Variants in PTPN3 observed in about 807,000 individuals in gnomAD.
The protein encoded by PTPN3 is protein tyrosine phosphatase non-receptor type 3, also known as tyrosine-protein phosphatase non-receptor type 3.
In PTPN3, 96 loss-of-function variants were observed where a neutral mutation model predicts 132.7. That is an observed-to-expected ratio of 0.72 (90% CI 0.61 to 0.86). The LOEUF is 0.86. Ranked by LOEUF, PTPN3 falls within the 40% of genes least tolerant of loss-of-function variation. PTPN3 has a pLI of 0.00. For synonymous variants in PTPN3, 398 were observed against 429.0 expected, an observed-to-expected ratio of 0.93 and a Z score of 0.89; for missense variants, 1,125 against 1,159.6, an observed-to-expected ratio of 0.97 and a Z score of 0.43.
chr9:109,390,462 C>T (rs933755035), intron 21 of PTPN3, among the ~76,000 whole-genome samples: 5 of 152,030 alleles, frequency 3.3e-5, no homozygotes, highest in Admixed American at 2.0e-4. Context: ...AAAGTCTGAC[C>T]CCAGGTTCAG....
intron 12 of PTPN3, among the ~76,000 whole-genome samples, chr9:109,424,809 G>A (rs1182653025): frequency 2.0e-5 from 3 of 152,196 alleles, no homozygotes; most frequent in Non-Finnish European, 2.9e-5. Flanking sequence ...TAACAGAATG[G>A]GTGTTGCTTT....
intron 25 of PTPN3, among the ~76,000 whole-genome samples, chr9:109,380,454 C>A (rs1043024578): frequency 7.9e-5 from 12 of 152,190 alleles, no homozygotes; most frequent in Admixed American, 7.2e-4. Context: ...CGGGGTTTCA[C>A]TATGTTAGCC....
the PTPN3 span, among the ~76,000 whole-genome samples, chr9:109,514,574 A>G: frequency 1.3e-5 from 2 of 152,222 alleles, no homozygotes; most frequent in African/African-American, 4.8e-5. Flanking sequence ...GAGGAGAAGC[A>G]AAATAGCGTC....
intron 1 of PTPN3, among the ~76,000 whole-genome samples, chr9:109,480,047 GCTTTA>G (rs1846886749): frequency 1.3e-5 from 2 of 152,136 alleles, no homozygotes; most frequent in South Asian, 2.1e-4. Flanking sequence ...TCTCATTGTG[GCTTTA>G]CTTTACATTT....
chr9:109,443,860 G>A (rs1056716232), intron 7 of PTPN3, among the ~76,000 whole-genome samples: 10 of 152,270 alleles, frequency 6.6e-5, no homozygotes, highest in Admixed American at 6.5e-5. Flanking sequence ...TCTGGTACTC[G>A]TCTTACTCGT....
At chr9:109,483,463 G>C (rs566836944) in intron 1 of PTPN3, among the ~76,000 whole-genome samples, 2 of 152,088 alleles carry the variant, frequency 1.3e-5, no homozygotes, top group South Asian at 2.1e-4. Flanking sequence ...CTAGCTCTCC[G>C]GGAACTCACA....
At chr9:109,391,871 G>GC in intron 19 of PTPN3, among the ~76,000 whole-genome samples, 1 of 16,458 alleles carries the variant, frequency 6.1e-5, no homozygotes, top group Admixed American at 7.1e-4. Flanking sequence ...AACTAGATGT[G>GC]GGGGGGGGGG....
At chr9:109,460,085 C>T (rs548309419) in intron 2 of PTPN3, among the ~76,000 whole-genome samples, 3 of 152,106 alleles carry the variant, frequency 2.0e-5, no homozygotes, top group African/African-American at 4.8e-5. Context: ...GCCTCTCCCC[C>T]ACAATATGCC....
At chr9:109,421,538 G>C (rs1842893450) in intron 13 of PTPN3, among the ~76,000 whole-genome samples, 1 of 152,124 alleles carries the variant, frequency 6.6e-6, no homozygotes, top group African/African-American at 2.4e-5. Context: ...CGGGCCACGA[G>C]TGTGGCAACA....
At position 109,422,790 on chromosome 9, in the gene PTPN3, C is replaced by T. The variant is rs774062306; in HGVS notation, c.1064G>A (p.Arg355Gln). 94 of 1,611,772 alleles carry T rather than the reference C, an allele frequency of 5.8e-5. 1 individual carries two copies. The highest frequency in any genetic ancestry group is 7.2e-5 in the Non-Finnish European group (85 of 1,178,034). ...TAAGTGCTCCACTGATAAGGATCTC[C>T]GCATGGCTGGGTTCCACACCATCCC... Reference protein sequence around the residue: ...IGGMVWNPAMRRSLSVEHLET... With the variant: ...IGGMVWNPAMQRSLSVEHLET... Residue 355 changes from arginine to glutamine, a missense_variant, in exon 13 of 26, where the codon CGG (arginine) becomes CAG (glutamine). Coordinates refer to ENST00000374541, the MANE Select transcript of PTPN3 (RefSeq NM_002829.4).
intron 19 of PTPN3, among the ~76,000 whole-genome samples, chr9:109,401,144 G>T (rs1841056310): frequency 6.6e-6 from 1 of 152,222 alleles, no homozygotes; most frequent in South Asian, 2.1e-4. Context: ...AAGGAAACGT[G>T]TACATGCTAA....
At chr9:109,483,393 T>C (rs1012909916) in intron 1 of PTPN3, among the ~76,000 whole-genome samples, 2 of 152,108 alleles carry the variant, frequency 1.3e-5, no homozygotes, top group African/African-American at 4.8e-5. Context: ...TCCACCCCTC[T>C]CACTAACACC....
chr9:109,437,409 G>T (rs1844133659), intron 8 of PTPN3, among the ~76,000 whole-genome samples: 1 of 152,200 alleles, frequency 6.6e-6, no homozygotes, highest in Non-Finnish European at 1.5e-5. Flanking sequence ...CTGGGAGAGA[G>T]GTTTGGCAAT....
intron 1 of PTPN3, among the ~76,000 whole-genome samples, chr9:109,483,124 C>T (rs1213021865): frequency 6.6e-6 from 1 of 152,244 alleles, no homozygotes; most frequent in Non-Finnish European, 1.5e-5. Context: ...ATGATAGCTT[C>T]TTGGCTGAAA....
At chr9:109,491,896 C>G (rs1564488791) in intron 1 of PTPN3, among the ~76,000 whole-genome samples, 1 of 152,170 alleles carries the variant, frequency 6.6e-6, no homozygotes, top group Non-Finnish European at 1.5e-5. Flanking sequence ...GCTTTGTCTT[C>G]ATTTTGAGAA....
Position 109,480,016 on chromosome 9 carries a change from T to C in PTPN3, c.-17-16565A>G, listed in dbSNP as rs558062773. Among the ~76,000 whole-genome samples the C allele has an allele frequency of 3.2e-4, 48 of 152,318 alleles. 2 individuals carry two copies. The South Asian group carries it at 8.3e-3, about 26-fold the overall frequency. On this transcript the variant is annotated intron_variant, in intron 1 of 25. Coordinates refer to ENST00000374541, the MANE Select transcript of PTPN3 (RefSeq NM_002829.4). The stretch of plus-strand genomic sequence containing the variant: ...GTTTCCTGTTTTTGATCATAACCAT[T>C]CTAGTAGGTGTGCAGTGGTGTCTCA...
At chr9:109,420,388 C>T in intron 14 of PTPN3, 36 bp downstream of exon 14, 1 of 1,553,098 alleles carries the variant, frequency 6.4e-7, no homozygotes, top group Non-Finnish European at 8.7e-7. Flanking sequence ...AGCCAAAAAG[C>T]AAATACCCAG....
chr9:109,486,018 G>A (rs1219693123), intron 1 of PTPN3, among the ~76,000 whole-genome samples: 3 of 152,184 alleles, frequency 2.0e-5, no homozygotes, highest in Non-Finnish European at 2.9e-5. Flanking sequence ...TGACAACACA[G>A]AACTTGGAAA....
chr9:109,502,192 G>T (rs1162730458), upstream of PTPN3, among the ~76,000 whole-genome samples: 2 of 152,212 alleles, frequency 1.3e-5, no homozygotes, highest in Non-Finnish European at 2.9e-5. Context: ...AGAAAATCAG[G>T]TGCCAGGCAC....
Sources: gnomAD v4.1 joint callset for allele counts (sites outside exome capture counted in the v4.1 genomes callset) on GRCh38, gnomAD v4.1.1 for gene constraint, MANE v1.5 for transcripts, NCBI Gene and HGNC (gene_info 2026-07-23, HGNC 2026-07-21) for gene names.